The following INPP5D variants were observed in gnomAD, a reference collection of about 807,000 sequenced individuals.
The protein encoded by INPP5D is inositol polyphosphate-5-phosphatase D, also known as phosphatidylinositol 3,4,5-trisphosphate 5-phosphatase 1.
A neutral mutation model predicts 122.9 loss-of-function variants in INPP5D; 33 were observed. The observed-to-expected ratio is 0.27, with a 90% CI of 0.20 to 0.36. The LOEUF (loss-of-function observed/expected upper bound fraction) is 0.36, where lower values mean the gene tolerates loss of function less well. Among genes scored for constraint, INPP5D ranks in the 10% least tolerant of loss-of-function variants. INPP5D has a pLI of 1.00. For synonymous variants in INPP5D, 584 were observed against 576.2 expected (o/e 1.01, Z -0.19); for missense variants, 1,053 against 1,412.7 (o/e 0.75, Z 4.08).
At chr2:233,150,381 A>G in intron 9 of INPP5D, among the ~76,000 whole-genome samples, 1 of 152,134 alleles carries the variant, frequency 6.6e-6, no homozygotes, top group Admixed American at 6.5e-5. Context: ...TGCTTCTGCT[A>G]TGATTGTGAG....
chr2:233,149,328 T>A (rs1259919762), intron 9 of INPP5D, among the ~76,000 whole-genome samples: 1 of 152,150 alleles, frequency 6.6e-6, no homozygotes, highest in Non-Finnish European at 1.5e-5. Flanking sequence ...CTCGAACTCC[T>A]GACCACAAGT....
intron 2 of INPP5D, among the ~76,000 whole-genome samples, chr2:233,089,046 CA>C (rs1314137066): frequency 6.6e-6 from 1 of 152,202 alleles, no homozygotes; most frequent in Non-Finnish European, 1.5e-5. Context: ...CCTTAAGGGT[CA>C]GGGGTTGTCC....
chr2:233,165,862 G>T (rs928961936), intron 13 of INPP5D, among the ~76,000 whole-genome samples: 2 of 152,092 alleles, frequency 1.3e-5, no homozygotes, highest in Non-Finnish European at 2.9e-5. Flanking sequence ...GTGTGTGTGT[G>T]TGTGTGTGCC....
intron 25 of INPP5D, among the ~76,000 whole-genome samples, chr2:233,199,968 A>T (rs1228715159): frequency 2.0e-5 from 3 of 152,134 alleles, no homozygotes; most frequent in Admixed American, 6.5e-5. Context: ...TTTCTCGACC[A>T]TGAGGTTCCC....
rs1574813264 is a variant in INPP5D at position 233,207,449 on chromosome 2, C to T, written c.*741C>T. 1 of 152,548 alleles carries T rather than the reference C, an allele frequency of 6.6e-6. No individual in the cohort carries two copies. Among genetic ancestry groups the T allele is most frequent in the South Asian group, 2.1e-4 (1 of 4,830 alleles). The allele number at this position is 152,548 out of a possible 1,614,324, so 9.4% of individuals were successfully genotyped here. Reference sequence around the variant, plus strand: ...TTGGTTGGAAGGAGCAGGAAATCAGCTCCTATTCTCCAGTGGAGAGATCTG... The same window carrying T: ...TTGGTTGGAAGGAGCAGGAAATCAGTTCCTATTCTCCAGTGGAGAGATCTG... On this transcript the variant is annotated 3_prime_UTR_variant, in exon 27 of 27. Transcript: ENST00000445964. The surrounding 1 kb of genome is among the most constrained non-coding windows in gnomAD (Gnocchi z 4.6).
Position 233,188,926 on chromosome 2 carries a change from T to C in INPP5D, c.2359-924T>C, listed in dbSNP as rs1021832010. ...TTGGCCAACATGGTGCCCAGAGCCC[T>C]GTACCAGGAGCCTTTTGGTGTCTGG... On this transcript the variant is annotated intron_variant, in intron 21 of 26. Transcript: ENST00000445964. This position sits in a 1 kb window ranked among gnomAD's most constrained non-coding sequence, Gnocchi z 4.7. Among the ~76,000 whole-genome samples the C allele has an allele frequency of 2.0e-5, 3 of 152,190 alleles. No individual in the cohort carries two copies. The highest frequency in any genetic ancestry group is 4.8e-5 in the African/African-American group (2 of 41,448).
chr2:233,204,578 T>G lies in INPP5D; in HGVS notation c.3428T>G (p.Leu1143Arg). 6.4e-7 allele frequency: 1 copy of G among 1,568,172 alleles called. No individual in the cohort carries two copies. The change falls in exon 26 of 27, where the codon CTG becomes CGG. Residue 1143 changes from leucine to arginine, a missense_variant. This residue lies in a region of INPP5D where 417 missense variants were observed against 425.8 expected (regional missense o/e 0.98). Coordinates refer to ENST00000445964, the MANE Select transcript of INPP5D (RefSeq NM_001017915.3). The part of the protein sequence containing the change: ...TPPTPTPRPP[L>R]PVKSPAVLHL... ...CCCACCCCGACGCCGCGGCCGCCGC[T>G]GCCAGTCAAGAGCCCGGCGGTGCTG... is the stretch of plus-strand genomic sequence containing the variant.
At chr2:233,176,243 T>C (rs1173165436) in intron 17 of INPP5D, among the ~76,000 whole-genome samples, 3 of 151,816 alleles carry the variant, frequency 2.0e-5, no homozygotes, top group African/African-American at 7.3e-5. Context: ...ATAGTATTAA[T>C]AGATACTGTT....
At chr2:233,202,616 G>GCAACAGCCT (rs1473536350) in intron 25 of INPP5D, among the ~76,000 whole-genome samples, 1 of 152,256 alleles carries the variant, frequency 6.6e-6, no homozygotes, top group South Asian at 2.1e-4. Context: ...AGTAACAGGC[G>GCAACAGCCT]CAACAGCCTC....
chr2:233,121,952 G>A (rs1308416974), intron 2 of INPP5D, among the ~76,000 whole-genome samples, 155 bp from the exon 3 acceptor site: 1 of 152,210 alleles, frequency 6.6e-6, no homozygotes, highest in African/African-American at 2.4e-5. Context: ...TGAGGTGTGG[G>A]CATGAGGGTC....
chr2:233,098,793 G>A (rs1692220914), intron 2 of INPP5D, among the ~76,000 whole-genome samples: 2 of 152,080 alleles, frequency 1.3e-5, no homozygotes, highest in Admixed American at 6.6e-5. Flanking sequence ...CCCACCGGGC[G>A]CCCCTCCACG....
At chr2:233,103,368 C>CA (rs1692372238) in intron 2 of INPP5D, among the ~76,000 whole-genome samples, 1 of 152,228 alleles carries the variant, frequency 6.6e-6, no homozygotes, top group Non-Finnish European at 1.5e-5. Context: ...TTATTCTCCA[C>CA]AATGGCTGTC....
In INPP5D at chr2:233,164,392, A is replaced by G. The variant is rs1694275077; in HGVS notation, c.1523A>G (p.Asp508Gly). Reference sequence around the variant, plus strand: ...AACCGGATCAGCCACATCTGTACTGACAACGTGAAGACAGGCATTGCAAAC... The same window carrying G: ...AACCGGATCAGCCACATCTGTACTGGCAACGTGAAGACAGGCATTGCAAAC... ...HENRISHICT[D>G]NVKTGIANTL... The change falls in exon 13 of 27, where the codon GAC becomes GGC. Residue 508 changes from aspartate to glycine, a missense_variant. Asp to Gly is a moderately conservative substitution (Grantham distance 94). This residue lies in a region of INPP5D where 105 missense variants were observed against 199.8 expected (regional missense o/e 0.53). Transcript: ENST00000445964. This position sits in a 1 kb window ranked among gnomAD's most constrained non-coding sequence, Gnocchi z 4.3. The G allele has an allele frequency of 6.4e-7, 1 of 1,552,470 alleles. No homozygotes were observed. Among genetic ancestry groups the G allele is most frequent in the East Asian group, 2.4e-5 (1 of 41,082 alleles).
At position 233,130,497 on chromosome 2, in the gene INPP5D, C is replaced by T. The variant is rs750091123; in HGVS notation, c.525-11C>T. ...GGCAAGCATAGTTTGTTTCTTTTTTCTTTTCTTTAGGCTTCCAGAAGAGCA... is the reference window on the plus strand; with the variant it reads ...GGCAAGCATAGTTTGTTTCTTTTTTTTTTTCTTTAGGCTTCCAGAAGAGCA... On this transcript the variant is annotated splice_polypyrimidine_tract_variant and intron_variant, in intron 4 of 26. Coordinates refer to ENST00000445964, the MANE Select transcript of INPP5D (RefSeq NM_001017915.3). The T allele has an allele frequency of 3.7e-6, 6 of 1,608,138 alleles. No homozygotes were observed. Among genetic ancestry groups the T allele is most frequent in the Non-Finnish European group, 3.4e-6 (4 of 1,178,364 alleles).
chr2:233,189,935 A>G lies in INPP5D; in HGVS notation c.2444A>G (p.Tyr815Cys). 1.2e-6 allele frequency: 2 copies of G among 1,613,234 alleles called. No individual in the cohort carries two copies. The highest frequency in any genetic ancestry group is 1.7e-6 in the Non-Finnish European group (2 of 1,179,530). The change falls in exon 22 of 27, where the codon TAT becomes TGT. Residue 815 changes from tyrosine (Y) to cysteine (C), a missense_variant and splice_region_variant. By Grantham distance (194) the Tyr-to-Cys change is radical (BLOSUM62 -2). Transcript: ENST00000445964. The surrounding 1 kb of genome is among the most constrained non-coding windows in gnomAD (Gnocchi z 5.6). ...AAGTCCTCTGACAGCGACGAATCCTATGGTAAGGGTCTGTGGGCAGGTGCC... is the reference window on the plus strand; with the variant it reads ...AAGTCCTCTGACAGCGACGAATCCTGTGGTAAGGGTCTGTGGGCAGGTGCC... ...SIKSSDSDES[Y>C]GEGCIALRLE...
chr2:233,131,166 T>C, intron 5 of INPP5D: 2 of 972,080 alleles, frequency 2.1e-6, no homozygotes, highest in Non-Finnish European at 2.4e-6. Context: ...GACCAACTGG[T>C]AAAGGTTCTG....
intron 9 of INPP5D, among the ~76,000 whole-genome samples, chr2:233,154,804 T>G (rs539662352): frequency 2.5e-4 from 38 of 152,360 alleles, no homozygotes; most frequent in Admixed American, 5.9e-4. Flanking sequence ...AGACCTCCAA[T>G]AAACTTGTTA....
chr2:233,063,153 C>T (rs529789415), intron 1 of INPP5D, among the ~76,000 whole-genome samples: 3 of 152,220 alleles, frequency 2.0e-5, no homozygotes, highest in Non-Finnish European at 2.9e-5. Flanking sequence ...GGGTTTTCTG[C>T]GGCTGCAGAA....
At chr2:233,096,853 A>G (rs1692158104) in intron 2 of INPP5D, among the ~76,000 whole-genome samples, 1 of 152,128 alleles carries the variant, frequency 6.6e-6, no homozygotes, top group African/African-American at 2.4e-5. Flanking sequence ...ATGTTTTTAA[A>G]CATTGTTTAT....
Sources: allele counts gnomAD v4.1 joint callset (sites outside exome capture counted in the v4.1 genomes callset), GRCh38; gene constraint gnomAD v4.1.1; regional missense constraint gnomAD v4.1.1; non-coding constraint Gnocchi (gnomAD v3.1); transcripts MANE v1.5; gene names NCBI Gene and HGNC (gene_info 2026-07-23, HGNC 2026-07-21).